The following KLF8 variants were observed in gnomAD, a reference collection of about 807,000 sequenced individuals.
KLF8 encodes Krueppel-like factor 8.
A neutral mutation model predicts 18.2 loss-of-function variants in KLF8; 10 were observed. The observed-to-expected ratio is 0.55, with a 90% confidence interval of 0.34 to 0.93. KLF8 has a LOEUF of 0.93. KLF8 is among the 40% of genes least tolerant of loss of function. The pLI, the probability that KLF8 is intolerant of heterozygous loss-of-function variation, is 0.02. For synonymous variants in KLF8, 109 were observed against 97.3 expected (o/e 1.12, Z -0.71); for missense variants, 264 against 277.9 (o/e 0.95, Z 0.36).
chrX:56,108,283 T>A, the KLF8 span, among the ~76,000 whole-genome samples: 1 of 111,955 alleles, frequency 8.9e-6, no homozygotes, highest in African/African-American at 3.2e-5. Flanking sequence ...TTATTTCTGA[T>A]CTTAAGGGGA....
At chrX:56,167,251 C>T in the KLF8 span, among the ~76,000 whole-genome samples, 2 of 111,449 alleles carry the variant, frequency 1.8e-5, no homozygotes, top group Non-Finnish European at 3.8e-5. Flanking sequence ...CTGCCTCAGT[C>T]TCCCGAGTAG....
chrX:56,137,425 A>AC, the KLF8 span, among the ~76,000 whole-genome samples: 1 of 106,545 alleles, frequency 9.4e-6, no homozygotes, highest in African/African-American at 3.4e-5. Flanking sequence ...CTATGCAGCC[A>AC]TAAAAAATGA....
the KLF8 span, among the ~76,000 whole-genome samples, chrX:56,138,076 A>T: frequency 1.9e-5 from 2 of 104,994 alleles, no homozygotes; most frequent in Non-Finnish European, 3.9e-5. Flanking sequence ...ACCCTCAGAG[A>T]CTATTATGAG....
chrX:56,157,251 G>A, the KLF8 span, among the ~76,000 whole-genome samples: 1 of 89,859 alleles, frequency 1.1e-5, no homozygotes, highest in African/African-American at 4.0e-5. Context: ...GGAGGGAGGG[G>A]GGAGGGACAA....
chrX:56,105,421 A>C, the KLF8 span, among the ~76,000 whole-genome samples: 1 of 111,831 alleles, frequency 8.9e-6, no homozygotes, highest in Non-Finnish European at 1.9e-5. Context: ...AAATATATTT[A>C]GGATAGTTAG....
the KLF8 span, among the ~76,000 whole-genome samples, chrX:56,204,035 G>T: frequency 9.0e-6 from 1 of 111,110 alleles, no homozygotes; most frequent in African/African-American, 3.3e-5. Flanking sequence ...TTTTAACATA[G>T]TTAATTCTTC....
At chrX:56,084,249 G>A in the KLF8 span, among the ~76,000 whole-genome samples, 1 of 110,556 alleles carries the variant, frequency 9.0e-6, no homozygotes, top group Non-Finnish European at 1.9e-5. Flanking sequence ...CAAGCGTGGT[G>A]GCACATGCCT....
chrX:56,212,101 A>G, the KLF8 span, among the ~76,000 whole-genome samples: 2 of 111,175 alleles, frequency 1.8e-5, no homozygotes, highest in African/African-American at 3.3e-5. Context: ...TGTGTCTACA[A>G]ATGTTGTCTG....
the KLF8 span, among the ~76,000 whole-genome samples, chrX:55,938,596 C>G: frequency 7.2e-5 from 8 of 110,913 alleles, no homozygotes; most frequent in Non-Finnish European, 1.3e-4. Context: ...GATAAAGAGT[C>G]AAGACCCATC....
the KLF8 span, among the ~76,000 whole-genome samples, chrX:56,159,508 A>G: frequency 1.8e-5 from 2 of 112,525 alleles, no homozygotes; most frequent in South Asian, 3.6e-4. Context: ...CTGTGAATCC[A>G]TCTGGTCCTC....
the KLF8 span, among the ~76,000 whole-genome samples, chrX:56,006,818 G>A: frequency 8.9e-6 from 1 of 112,116 alleles, no homozygotes; most frequent in African/African-American, 3.2e-5. Flanking sequence ...ACTGTGGCAG[G>A]TTGACAGGGC....
the KLF8 span, among the ~76,000 whole-genome samples, chrX:56,173,150 T>C: frequency 8.9e-6 from 1 of 111,876 alleles, no homozygotes; most frequent in African/African-American, 3.2e-5. Context: ...TTGCTTTTGG[T>C]GTTTTAGACA....
At chrX:56,129,447 T>G in the KLF8 span, among the ~76,000 whole-genome samples, 1 of 111,532 alleles carries the variant, frequency 9.0e-6, no homozygotes, top group Non-Finnish European at 1.9e-5. Flanking sequence ...GGATATGACC[T>G]TAACTGGATC....
At chrX:56,179,063 A>T in the KLF8 span, among the ~76,000 whole-genome samples, 39 of 111,928 alleles carry the variant, frequency 3.5e-4, 2 homozygotes, top group Middle Eastern at 4.6e-3. Flanking sequence ...GAATCTATAA[A>T]TTACCTTGGG....
intron 2 of KLF8, among the ~76,000 whole-genome samples, chrX:56,259,210 T>TCC (rs1343271705): frequency 2.1e-4 from 23 of 110,210 alleles, no homozygotes; most frequent in African/African-American, 7.3e-4. Flanking sequence ...TCTCTCTCTC[T>TCC]CCCCCCATTT....
chrX:56,077,651 T>G, the KLF8 span, among the ~76,000 whole-genome samples: 2 of 111,860 alleles, frequency 1.8e-5, no homozygotes, highest in Admixed American at 9.5e-5. Flanking sequence ...ATATGAACGT[T>G]AAAGTAGTTT....
rs2067255197 is a variant in KLF8 at position 56,285,194 on chromosome X, C to CT, written c.*703dup. On this transcript the variant is annotated 3_prime_UTR_variant, in exon 6 of 6. Transcript: ENST00000468660. ...CTCCTCCTCTTTTTTTTCTTTTCCA[C>CT]TTTCTCCTTCAGGATTAAAGATTTT... 8.9e-6 allele frequency: 1 copy of CT among 111,802 alleles called. No individual in the cohort carries two copies. Among genetic ancestry groups the CT allele is most frequent in the Non-Finnish European group, 1.9e-5 (1 of 53,176 alleles). The allele number at this position is 111,802 out of a possible 1,213,427, so 9.2% of individuals were successfully genotyped here. A position where few individuals can be genotyped will look rare whatever the true frequency, so the allele number is the denominator to read the frequency against.
the KLF8 span, among the ~76,000 whole-genome samples, chrX:56,211,282 A>G: frequency 8.9e-6 from 1 of 112,646 alleles, no homozygotes. Flanking sequence ...GTAGACTTGT[A>G]GAGGTAAGCC....
At chrX:56,033,156 T>C in the KLF8 span, among the ~76,000 whole-genome samples, 1 of 111,585 alleles carries the variant, frequency 9.0e-6, no homozygotes, top group South Asian at 3.8e-4. Context: ...CTTAAACCTG[T>C]ACCTTCTTAG....
Sources: allele counts gnomAD v4.1 joint callset (sites outside exome capture counted in the v4.1 genomes callset), GRCh38; gene constraint gnomAD v4.1.1; transcripts MANE v1.5; gene names NCBI Gene and HGNC (gene_info 2026-07-23, HGNC 2026-07-21).